Variants in NTRK3 observed in about 807,000 individuals in gnomAD.
NTRK3 encodes neurotrophic receptor tyrosine kinase 3.
Under a neutral mutation model 91.7 loss-of-function variants are expected in NTRK3, and 24 were observed. The ratio of observed to expected loss-of-function variants is 0.26; its 90% CI spans 0.19 to 0.37. The LOEUF is 0.37. Among genes scored for constraint, NTRK3 ranks in the 10% least tolerant of loss-of-function variants. The pLI, the probability that NTRK3 is intolerant of heterozygous loss-of-function variation, is 1.00. For synonymous variants in NTRK3, 483 were observed against 404.0 expected (o/e 1.20, Z -2.34); for missense variants, 880 against 1,068.9 (o/e 0.82, Z 2.46).
intron 14 of NTRK3, among the ~76,000 whole-genome samples, chr15:87,984,410 A>T (rs2074557485): frequency 6.6e-6 from 1 of 152,126 alleles, no homozygotes; most frequent in Non-Finnish European, 1.5e-5. Flanking sequence ...GTTATGATTG[A>T]TTTGTTCTGT....
intron 17 of NTRK3, among the ~76,000 whole-genome samples, chr15:87,906,086 TGGAAA>T (rs1173339588): frequency 6.6e-6 from 1 of 152,156 alleles, no homozygotes; most frequent in Non-Finnish European, 1.5e-5. Flanking sequence ...CTGGTATCTG[TGGAAA>T]GATGCTGAGG....
Position 88,237,221 on chromosome 15 carries a change from G to A in NTRK3, c.248+18685C>T, listed in dbSNP as rs968795908. Among the ~76,000 whole-genome samples the A allele has an allele frequency of 1.3e-5, 2 of 152,180 alleles. No homozygotes were observed. The highest frequency in any genetic ancestry group is 2.1e-4 in the South Asian group (1 of 4,824). ...CCATATTAATTGCAGAGTCTAGGGCGTAGTTTTATGGATGTTCACAGCAAA... is the reference window on the plus strand; with the variant it reads ...CCATATTAATTGCAGAGTCTAGGGCATAGTTTTATGGATGTTCACAGCAAA... On this transcript the variant is annotated intron_variant, in intron 3 of 18. Coordinates refer to ENST00000394480, the Ensembl canonical transcript of NTRK3. This position sits in a 1 kb window ranked among gnomAD's most constrained non-coding sequence, Gnocchi z 4.0.
intron 13 of NTRK3, among the ~76,000 whole-genome samples, chr15:88,089,691 A>T (rs2048832534): frequency 6.6e-6 from 1 of 151,820 alleles, no homozygotes; most frequent in Non-Finnish European, 1.5e-5. Context: ...TCCAGCCTTG[A>T]CTCTGTACTC....
chr15:88,110,448 G>A (rs773514369), intron 13 of NTRK3, among the ~76,000 whole-genome samples: 1 of 152,186 alleles, frequency 6.6e-6, no homozygotes, highest in South Asian at 2.1e-4. Flanking sequence ...AAAGATCCCA[G>A]ATTATATCTT....
At chr15:87,873,801 G>C (rs1027742542) in exon 19 of NTRK3, 3 of 231,848 alleles carry the variant, frequency 1.3e-5, no homozygotes, top group African/African-American at 4.4e-5. Flanking sequence ...CTGGCTTACA[G>C]TCGTCTCAGA....
At chr15:88,111,651 G>T (rs1178318898) in intron 13 of NTRK3, among the ~76,000 whole-genome samples, 1 of 152,158 alleles carries the variant, frequency 6.6e-6, no homozygotes. Context: ...TAAAATGTAT[G>T]ATAGTGACTA....
chr15:87,938,606 C>T (rs1278391090), intron 15 of NTRK3, among the ~76,000 whole-genome samples: 1 of 152,212 alleles, frequency 6.6e-6, no homozygotes, highest in Non-Finnish European at 1.5e-5. Flanking sequence ...GGTCTGGGTA[C>T]TGCCCCTTAA....
At chr15:87,877,973 C>A (rs1267750424) in intron 18 of NTRK3, among the ~76,000 whole-genome samples, 1 of 152,114 alleles carries the variant, frequency 6.6e-6, no homozygotes, top group Non-Finnish European at 1.5e-5. Flanking sequence ...GCCTGGCCAA[C>A]CCCAGCAGGC....
intron 3 of NTRK3, among the ~76,000 whole-genome samples, chr15:88,236,912 G>A (rs1241472713): frequency 6.6e-6 from 1 of 152,280 alleles, no homozygotes; most frequent in Admixed American, 6.5e-5. Context: ...TCTGGGGGAT[G>A]GTAATGTTCT....
intron 17 of NTRK3, among the ~76,000 whole-genome samples, chr15:87,894,765 T>C (rs2066024261): frequency 6.6e-6 from 1 of 152,204 alleles, no homozygotes; most frequent in Non-Finnish European, 1.5e-5. Context: ...GCCAGAATCT[T>C]AGAAATAGCA....
chr15:88,151,707 C>T, intron 5 of NTRK3, among the ~76,000 whole-genome samples: 1 of 152,182 alleles, frequency 6.6e-6, no homozygotes, highest in East Asian at 1.9e-4. Flanking sequence ...AAAAGTGGTC[C>T]TGAAGATGGA....
intron 6 of NTRK3, 137 bp downstream of exon 6, chr15:88,147,196 ACT>A (rs1478333536): frequency 2.6e-6 from 2 of 760,548 alleles, no homozygotes; most frequent in Non-Finnish European, 4.7e-6. Flanking sequence ...AACATGGTAC[ACT>A]CTGTGTCAAC....
intron 5 of NTRK3, 81 bp from the exon 6 acceptor site, chr15:88,147,484 A>G (rs1310758657): frequency 1.7e-5 from 20 of 1,158,322 alleles, no homozygotes; most frequent in Non-Finnish European, 2.6e-5. Context: ...TAATCATTTC[A>G]CTGGAGCCTG....
At chr15:88,206,231 G>T (rs569596190) in intron 3 of NTRK3, among the ~76,000 whole-genome samples, 2 of 150,556 alleles carry the variant, frequency 1.3e-5, no homozygotes, top group Admixed American at 1.3e-4. Context: ...TGTAGTCCCA[G>T]CTACTCAAGA....
At chr15:88,215,424 G>A (rs1174347238) in intron 3 of NTRK3, among the ~76,000 whole-genome samples, 6 of 152,170 alleles carry the variant, frequency 3.9e-5, no homozygotes, top group African/African-American at 1.2e-4. Context: ...TCATTCCAGC[G>A]TTACATCTCC....
chr15:88,003,783 T>C (rs1481280400), intron 14 of NTRK3, among the ~76,000 whole-genome samples: 3 of 149,404 alleles, frequency 2.0e-5, no homozygotes, highest in African/African-American at 7.4e-5. Flanking sequence ...AAAGAGTAAA[T>C]AGGCACAAGG....
intron 14 of NTRK3, among the ~76,000 whole-genome samples, chr15:88,008,587 T>C (rs1172349229): frequency 1.3e-5 from 2 of 152,106 alleles, no homozygotes; most frequent in African/African-American, 4.8e-5. Context: ...CATGGAACTA[T>C]ATGACCTTTA....
At chr15:88,069,955 A>T (rs1399033655) in intron 13 of NTRK3, among the ~76,000 whole-genome samples, 1 of 152,132 alleles carries the variant, frequency 6.6e-6, no homozygotes, top group East Asian at 1.9e-4. Context: ...TCTCAGAAAG[A>T]TCCAGGACAC....
intron 14 of NTRK3, among the ~76,000 whole-genome samples, chr15:87,986,782 C>T (rs987696124): frequency 4.6e-5 from 7 of 152,214 alleles, no homozygotes; most frequent in Non-Finnish European, 1.0e-4. Context: ...TTCTCCAGAG[C>T]AGTAGTTGGC....
Sources: gnomAD v4.1 joint callset for allele counts (sites outside exome capture counted in the v4.1 genomes callset) on GRCh38, gnomAD v4.1.1 for gene constraint, Gnocchi (gnomAD v3.1) non-coding constraint, MANE v1.5 for transcripts, NCBI Gene and HGNC (gene_info 2026-07-23, HGNC 2026-07-21) for gene names.